FAT3: variants seen among roughly 807,000 people sequenced by gnomAD.
FAT3 encodes the protein FAT atypical cadherin 3.
FAT3 carries 95 observed loss-of-function variants against 310.2 expected under a neutral mutation model. The ratio of observed to expected loss-of-function variants is 0.31; its 90% CI spans 0.26 to 0.36. The LOEUF is 0.36. Ranked by LOEUF, FAT3 falls within the 10% of genes least tolerant of loss-of-function variation. The probability of loss-of-function intolerance (pLI) is 1.00; values close to 1 mark genes in which losing one functional copy is unlikely to be tolerated. For synonymous variants in FAT3, 2,314 were observed against 2,192.9 expected (o/e 1.06, Z -1.54); for missense variants, 5,408 against 5,715.6 (o/e 0.95, Z 1.74).
At chr11:92,733,563 C>G (rs985485402) in intron 4 of FAT3, among the ~76,000 whole-genome samples, 7 of 151,960 alleles carry the variant, frequency 4.6e-5, no homozygotes, top group African/African-American at 7.3e-5. Context: ...CAGAGTTGGA[C>G]AGCAGTCTTC....
chr11:92,460,328 G>A lies in FAT3; in HGVS notation c.3293-64306G>A, dbSNP rs565296778. 2.0e-5 allele frequency among the ~76,000 whole-genome samples: 3 copies of A among 152,286 alleles called. No individual in the cohort carries two copies. In the East Asian group the frequency reaches 5.8e-4, roughly 29 times the overall value. ...TATTCTTCAAAGAGAGGTGCCATCT[G>A]GGAAATCAGGTCTCTGCTGAAGCAT... On this transcript the variant is annotated intron_variant, in intron 2 of 27. Coordinates refer to ENST00000525166, the MANE Select transcript of FAT3 (RefSeq NM_001367949.2).
chr11:92,861,922 G>A (rs557954138), intron 21 of FAT3, among the ~76,000 whole-genome samples: 81 of 152,208 alleles, frequency 5.3e-4, no homozygotes, highest in South Asian at 4.6e-3. Flanking sequence ...GGTGAAGGGC[G>A]CCCCTTACAG....
intron 23 of FAT3, among the ~76,000 whole-genome samples, chr11:92,881,171 T>A (rs1057080420): frequency 1.2e-4 from 18 of 152,228 alleles, no homozygotes; most frequent in Non-Finnish European, 2.1e-4. Context: ...AAGAAAGTCA[T>A]CTAGGCCACC....
At chr11:92,291,113 A>ACACACACACACACG (rs1397034006) in intron 1 of FAT3, among the ~76,000 whole-genome samples, 8 of 151,206 alleles carry the variant, frequency 5.3e-5, no homozygotes, top group Non-Finnish European at 1.0e-4. Context: ...ACACACACAC[A>ACACACACACACACG]CACATGCACG....
intron 1 of FAT3, among the ~76,000 whole-genome samples, chr11:92,313,337 C>T (rs1050695156): frequency 6.6e-6 from 1 of 152,162 alleles, no homozygotes; most frequent in East Asian, 1.9e-4. Context: ...TCCACCACTT[C>T]ACAATAACCC....
intron 13 of FAT3, among the ~76,000 whole-genome samples, chr11:92,828,356 A>G (rs1948151789): frequency 6.6e-6 from 1 of 152,064 alleles, no homozygotes; most frequent in South Asian, 2.1e-4. Flanking sequence ...AATCCATTGC[A>G]ATTGTGTCTA....
At chr11:92,814,941 G>A (rs894684376) in intron 13 of FAT3, among the ~76,000 whole-genome samples, 1 of 152,174 alleles carries the variant, frequency 6.6e-6, no homozygotes, top group Non-Finnish European at 1.5e-5. Context: ...ACACATTCAG[G>A]AAGATAGGAG....
At chr11:92,604,253 A>G (rs1471641713) in intron 3 of FAT3, among the ~76,000 whole-genome samples, 1 of 152,298 alleles carries the variant, frequency 6.6e-6, no homozygotes, top group East Asian at 1.9e-4. Flanking sequence ...GTAGATACTA[A>G]TATATATGGA....
In FAT3 at chr11:92,798,981, T is replaced by G; in HGVS notation, c.5968T>G (p.Ser1990Ala). 1 of 1,613,920 alleles carries G rather than the reference T, an allele frequency of 6.2e-7. No individual in the cohort carries two copies. Among genetic ancestry groups the G allele is most frequent in the Non-Finnish European group, 8.5e-7 (1 of 1,179,866 alleles). The change falls in exon 10 of 28, where the codon TCA becomes GCA. Residue 1990 changes from serine (S) to alanine (A), a missense_variant. Physicochemically the swap from Ser to Ala is moderately conservative, Grantham distance 99 (BLOSUM62 1). Coordinates refer to ENST00000525166, the MANE Select transcript of FAT3 (RefSeq NM_001367949.2). The part of the protein sequence containing the change: ...LHFTQSFYST[S>A]ISENNTNITK... Reference sequence around the variant, plus strand: ...CTTTACACAAAGCTTCTATTCCACCTCAATCTCAGAGAACAACACTAACAT... The same window carrying G: ...CTTTACACAAAGCTTCTATTCCACCGCAATCTCAGAGAACAACACTAACAT...
chr11:92,522,371 G>C (rs1234460730), intron 2 of FAT3, among the ~76,000 whole-genome samples: 2 of 152,260 alleles, frequency 1.3e-5, no homozygotes, highest in Non-Finnish European at 2.9e-5. Context: ...CCAACCCTCA[G>C]AGCCCTCCTT....
At chr11:92,696,404 C>T (rs774705963) in intron 3 of FAT3, among the ~76,000 whole-genome samples, 30 of 152,108 alleles carry the variant, frequency 2.0e-4, no homozygotes, top group Admixed American at 7.9e-4. Context: ...TGCTCCCACC[C>T]ACCACTTCTG....
At chr11:92,787,195 T>G (rs1946918244) in intron 7 of FAT3, among the ~76,000 whole-genome samples, 1 of 152,054 alleles carries the variant, frequency 6.6e-6, no homozygotes, top group South Asian at 2.1e-4. Flanking sequence ...TAATGTTAAA[T>G]GAAACAGCAT....
At chr11:92,581,228 TGTGTAAGTAGC>T in intron 3 of FAT3, among the ~76,000 whole-genome samples, 1 of 152,052 alleles carries the variant, frequency 6.6e-6, no homozygotes, top group East Asian at 1.9e-4. Context: ...TTATGGCCCC[TGTGTAAGTAGC>T]AAGTCACCTT....
chr11:92,483,368 C>T (rs1362767948), intron 2 of FAT3, among the ~76,000 whole-genome samples: 6 of 151,864 alleles, frequency 4.0e-5, no homozygotes, highest in Admixed American at 2.6e-4. Flanking sequence ...CAGAGTCTCG[C>T]TCTGTCTCCC....
At chr11:92,763,377 A>G (rs1946212137) in intron 5 of FAT3, among the ~76,000 whole-genome samples, 1 of 152,146 alleles carries the variant, frequency 6.6e-6, no homozygotes, top group African/African-American at 2.4e-5. Flanking sequence ...CTACTGTTAG[A>G]AGCTCTGATG....
In FAT3 at chr11:92,844,125, T is replaced by A; in HGVS notation, c.10758T>A (p.Phe3586Leu). The A allele has an allele frequency of 6.2e-7, 1 of 1,614,020 alleles. No homozygotes were observed. Residue 3586 changes from phenylalanine (F) to leucine (L), a missense_variant, in exon 19 of 28, where the codon TTT becomes TTA. Around this residue, in one of 5 missense-constraint regions of FAT3, gnomAD observed 4,588 missense variants for 4,809.8 expected, o/e 0.95. Transcript: ENST00000525166. ...AAGACATGTATGATGTGCTCACATTTGCCCTGAAATCGGAGCAGAAAAGCT... is the reference window on the plus strand; with the variant it reads ...AAGACATGTATGATGTGCTCACATTAGCCCTGAAATCGGAGCAGAAAAGCT... Reference protein sequence around the residue: ...TDQDMYDVLTFALKSEQKSLF... With the variant: ...TDQDMYDVLTLALKSEQKSLF...
At chr11:92,271,415 C>T (rs1041941770) in intron 1 of FAT3, among the ~76,000 whole-genome samples, 53 of 152,136 alleles carry the variant, frequency 3.5e-4, no homozygotes, top group African/African-American at 1.2e-3. Context: ...CATTCCTGAC[C>T]ACCTTAGCTA....
intron 2 of FAT3, among the ~76,000 whole-genome samples, chr11:92,398,851 G>C (rs1227109773): frequency 6.6e-6 from 1 of 152,080 alleles, no homozygotes; most frequent in Non-Finnish European, 1.5e-5. Context: ...AATACTGTTT[G>C]GGACAGTGTT....
intron 1 of FAT3, among the ~76,000 whole-genome samples, chr11:92,321,568 A>G (rs1449541244): frequency 6.6e-6 from 1 of 152,212 alleles, no homozygotes; most frequent in East Asian, 1.9e-4. Flanking sequence ...TCCTGAAAAC[A>G]GATCACTTTC....
Sources: allele counts gnomAD v4.1 joint callset (sites outside exome capture counted in the v4.1 genomes callset), GRCh38; gene constraint gnomAD v4.1.1; regional missense constraint gnomAD v4.1.1; transcripts MANE v1.5; gene names NCBI Gene and HGNC (gene_info 2026-07-23, HGNC 2026-07-21).